The following ZNF169 variants were observed in gnomAD, a reference collection of about 807,000 sequenced individuals.
The protein encoded by ZNF169 is zinc finger protein 169.
In ZNF169, 11 loss-of-function variants were observed where a neutral mutation model predicts 12.0. That is an observed-to-expected ratio of 0.92 (90% CI 0.58 to 1.52). The LOEUF (loss-of-function observed/expected upper bound fraction) is 1.52, where lower values mean the gene tolerates loss of function less well. Ranked by LOEUF, ZNF169 falls within the 40% of genes most tolerant of loss-of-function variation. ZNF169 has a pLI of 0.00. For synonymous variants in ZNF169, 302 were observed against 286.5 expected, an observed-to-expected ratio of 1.05 and a Z score of -0.55; for missense variants, 722 against 744.0, an observed-to-expected ratio of 0.97 and a Z score of 0.34.
intron 3 of ZNF169, chr9:94,292,760 A>G: frequency 3.3e-6 from 2 of 613,624 alleles, no homozygotes; most frequent in Non-Finnish European, 5.7e-6. Flanking sequence ...ATTTTTATTG[A>G]CTCAAGCACA....
chr9:94,283,779 T>C (rs543202216), intron 2 of ZNF169, among the ~76,000 whole-genome samples: 6 of 152,040 alleles, frequency 3.9e-5, no homozygotes, highest in Admixed American at 1.3e-4. Context: ...TTAAAAAGTA[T>C]AATATGAGGC....
chr9:94,301,558 G>A lies in ZNF169; in HGVS notation c.*188G>A, dbSNP rs1831079530. On this transcript the variant is annotated 3_prime_UTR_variant, in exon 5 of 5. Transcript: ENST00000395395. ...GGGGTTCCATAACAAAGTACCCCAG[G>A]CTGGGTGATTTTGACAACGGAAATA... is the stretch of plus-strand genomic sequence containing the variant. 9.2e-7 allele frequency: 1 copy of A among 1,084,872 alleles called. No homozygotes were observed. The allele number at this position is 1,084,872 out of a possible 1,614,324, so 67.2% of individuals were successfully genotyped here.
chr9:94,293,143 C>A lies in ZNF169; in HGVS notation c.256+74C>A, dbSNP rs1200634916. On this transcript the variant is annotated intron_variant, in intron 4 of 4. Transcript: ENST00000395395. ...CAGCAGGTAAGGAAGGAGGGGCTAT[C>A]TTTGAGGTGCTAGGAGGAAGTTCTT... 3.0e-6 allele frequency: 4 copies of A among 1,313,740 alleles called. No individual in the cohort carries two copies. In the South Asian group the frequency reaches 3.7e-5, roughly 12 times the overall value. The allele number at this position is 1,313,740 out of a possible 1,614,324, so 81.4% of individuals were successfully genotyped here. A position where few individuals can be genotyped will look rare whatever the true frequency, so the allele number is the denominator to read the frequency against.
chr9:94,298,966 T>C (rs59717415), intron 4 of ZNF169, among the ~76,000 whole-genome samples: 42,991 of 152,140 alleles, frequency 0.28, 6,628 homozygotes, highest in South Asian at 0.43. Flanking sequence ...AGCCGAAATA[T>C]GTATAATCCC....
rs767402956 is a variant in ZNF169 at position 94,300,553 on chromosome 9, C to T, written c.995C>T (p.Ala332Val). The T allele has an allele frequency of 8.7e-6, 14 of 1,613,708 alleles. No individual in the cohort carries two copies. The South Asian group carries it at 1.2e-4, about 14-fold the overall frequency. The change falls in exon 5 of 5, where the codon GCC becomes GTC. Residue 332 changes from alanine (A) to valine (V), a missense_variant. Ala to Val is a moderately conservative substitution (Grantham distance 64). Coordinates refer to ENST00000395395, the MANE Select transcript of ZNF169 (RefSeq NM_194320.4). ...GGGCGAGGCTTTCGCCAGAAGATAG[C>T]CCTCCTTCTACACCAGAGGACGCAC... Reference protein sequence around the residue: ...ECGRGFRQKIALLLHQRTHLE... With the variant: ...ECGRGFRQKIVLLLHQRTHLE...
chr9:94,293,385 T>C (rs1251131253), intron 4 of ZNF169: 3 of 602,594 alleles, frequency 5.0e-6, no homozygotes, highest in Non-Finnish European at 8.7e-6. Flanking sequence ...ACCTGTCCTT[T>C]GAGACTAAGT....
chr9:94,300,992 G>A lies in ZNF169; in HGVS notation c.1434G>A (p.Arg478=), dbSNP rs200315001. 1 of 1,612,436 alleles carries A rather than the reference G, an allele frequency of 6.2e-7. No homozygotes were observed. The highest frequency in any genetic ancestry group is 8.5e-7 in the Non-Finnish European group (1 of 1,179,542). Residue 478 remains arginine, a synonymous_variant, in exon 5 of 5, where the codon AGG becomes AGA. Transcript: ENST00000395395. ...GQKVTLIRHQ[R]THTGEKPYLC... The stretch of plus-strand genomic sequence containing the variant: ...AGGTCACCCTCATCAGACACCAGAG[G>A]ACACACACAGGGGAGAAGCCTTATC...
intron 1 of ZNF169, among the ~76,000 whole-genome samples, chr9:94,268,833 A>G (rs1033187923): frequency 6.6e-6 from 1 of 152,014 alleles, no homozygotes; most frequent in Non-Finnish European, 1.5e-5. Context: ...TGTCTAAATT[A>G]TATGTTTTCC....
chr9:94,288,462 A>G (rs1830761203), intron 2 of ZNF169: 1 of 1,017,566 alleles, frequency 9.8e-7, no homozygotes, highest in Admixed American at 1.8e-5. Context: ...TTGTTTTCAA[A>G]TCAAGCTTTA....
intron 1 of ZNF169, among the ~76,000 whole-genome samples, chr9:94,260,278 C>T (rs915889092): frequency 3.3e-5 from 5 of 152,308 alleles, no homozygotes; most frequent in African/African-American, 1.2e-4. Context: ...GTCTCGAACT[C>T]CTGACCTCAA....
intron 2 of ZNF169, among the ~76,000 whole-genome samples, chr9:94,289,556 G>A (rs981445222): frequency 3.9e-5 from 6 of 152,198 alleles, no homozygotes; most frequent in South Asian, 2.1e-4. Context: ...TTGGGAGGCC[G>A]AGGCAGGTGG....
chr9:94,266,311 G>A (rs918549295), intron 1 of ZNF169, among the ~76,000 whole-genome samples: 7 of 152,128 alleles, frequency 4.6e-5, no homozygotes, highest in Non-Finnish European at 1.5e-5. Flanking sequence ...TATCATGCTT[G>A]TATATTTATT....
At chr9:94,262,305 G>A (rs911396600) in intron 1 of ZNF169, among the ~76,000 whole-genome samples, 7 of 152,134 alleles carry the variant, frequency 4.6e-5, no homozygotes, top group African/African-American at 7.2e-5. Context: ...GGAAGTTCAT[G>A]GAGGATAGAA....
At chr9:94,262,002 C>G (rs564247162) in intron 1 of ZNF169, among the ~76,000 whole-genome samples, 1 of 152,326 alleles carries the variant, frequency 6.6e-6, no homozygotes, top group East Asian at 1.9e-4. Flanking sequence ...GTATTTGTCT[C>G]AAAAGTTGCC....
chr9:94,289,276 G>C lies in ZNF169; in HGVS notation c.34-3065G>C, dbSNP rs544829458. 2.0e-5 allele frequency among the ~76,000 whole-genome samples: 3 copies of C among 152,174 alleles called. No homozygotes were observed. In the South Asian group the frequency reaches 6.2e-4, roughly 32 times the overall value. ...TAGCCAGGTGTGGTGATGCACACCT[G>C]TGGTCCCAGCAACTTGGGAGGCTGA... On this transcript the variant is annotated intron_variant, in intron 2 of 4. Coordinates refer to ENST00000395395, the MANE Select transcript of ZNF169 (RefSeq NM_194320.4).
intron 2 of ZNF169, among the ~76,000 whole-genome samples, chr9:94,280,687 G>A (rs1040164710): frequency 4.6e-5 from 7 of 152,178 alleles, no homozygotes; most frequent in South Asian, 2.1e-4. Context: ...TATTCCTGAC[G>A]CAGGTAGCCT....
In ZNF169 at chr9:94,292,394, G is replaced by T; in HGVS notation, c.87G>T (p.Lys29Asn). ...TGGCCTTCACCCAGAAGGAGTGGAA[G>T]CTATTGAGTTCTGCTCAGAGGACCC... ...VAVAFTQKEWKLLSSAQRTLY... is the reference protein window; with the variant it reads ...VAVAFTQKEWNLLSSAQRTLY... Residue 29 changes from lysine to asparagine, a missense_variant, in exon 3 of 5, where the codon AAG becomes AAT. Coordinates refer to ENST00000395395, the MANE Select transcript of ZNF169 (RefSeq NM_194320.4). The T allele has an allele frequency of 6.2e-7, 1 of 1,614,172 alleles. No individual in the cohort carries two copies. The highest frequency in any genetic ancestry group is 2.2e-5 in the East Asian group (1 of 44,876).
intron 1 of ZNF169, among the ~76,000 whole-genome samples, chr9:94,267,808 A>G (rs1830319736): frequency 6.6e-6 from 1 of 151,570 alleles, no homozygotes; most frequent in African/African-American, 2.4e-5. Flanking sequence ...GTTATCAGAA[A>G]CCTGCATTCA....
intron 1 of ZNF169, among the ~76,000 whole-genome samples, chr9:94,266,467 A>G (rs4744330): frequency 0.37 from 56,819 of 152,010 alleles, 11,030 homozygotes; most frequent in Middle Eastern, 0.45. Flanking sequence ...TTTTGGGGGC[A>G]TAGAGGCAGC....
Sources: gnomAD v4.1 joint callset for allele counts (sites outside exome capture counted in the v4.1 genomes callset) on GRCh38, gnomAD v4.1.1 for gene constraint, MANE v1.5 for transcripts, NCBI Gene and HGNC (gene_info 2026-07-23, HGNC 2026-07-21) for gene names.